CDH19: variants seen among roughly 807,000 people sequenced by gnomAD.
CDH19 encodes the protein cadherin-19.
CDH19 carries 67 observed loss-of-function variants against 64.2 expected under a neutral mutation model. The observed-to-expected ratio is 1.04, with a 90% CI of 0.86 to 1.28. The LOEUF is 1.28. Among genes scored for constraint, CDH19 ranks in the 50% most tolerant of loss-of-function variants. The probability of loss-of-function intolerance (pLI) is 0.00; values close to 1 mark genes in which losing one functional copy is unlikely to be tolerated. For synonymous variants in CDH19, 346 were observed against 319.3 expected (o/e 1.08, Z -0.89); for missense variants, 1,030 against 929.0 (o/e 1.11, Z -1.41).
At chr18:66,524,542 GTA>G (rs72219868) in intron 9 of CDH19, among the ~76,000 whole-genome samples, 12,610 of 94,364 alleles carry the variant, frequency 0.13, 698 homozygotes, top group East Asian at 0.22. Flanking sequence ...ATGTTTGTGT[GTA>G]TATATATATA....
chr18:66,530,032 T>C, intron 8 of CDH19, 66 bp from the exon 9 acceptor site: 1 of 774,652 alleles, frequency 1.3e-6, no homozygotes, highest in Non-Finnish European at 1.9e-6. Flanking sequence ...GAGACATCAT[T>C]AAAATTACAT....
Position 66,514,291 on chromosome 18 carries a change from G to T in CDH19, c.1459-2606C>A, listed in dbSNP as rs572336432. ...TTACATACAAAATGATACCGTAAAA[G>T]ACATGAAATTCCAAAAGCAAGTAAA... On this transcript the variant is annotated intron_variant, in intron 9 of 11. Transcript: ENST00000262150. 1.5e-3 allele frequency among the ~76,000 whole-genome samples: 221 copies of T among 151,420 alleles called. 1 individual carries two copies. Among genetic ancestry groups the T allele is most frequent in the African/African-American group, 5.2e-3 (214 of 41,464 alleles).
chr18:66,602,357 G>A (rs775438110), intron 1 of CDH19, among the ~76,000 whole-genome samples: 7 of 151,886 alleles, frequency 4.6e-5, no homozygotes, highest in Non-Finnish European at 7.4e-5. Flanking sequence ...GCTGTATTAG[G>A]AGAAATTCCT....
chr18:66,562,219 A>G (rs1322860502), intron 3 of CDH19, among the ~76,000 whole-genome samples: 2 of 151,758 alleles, frequency 1.3e-5, no homozygotes, highest in Non-Finnish European at 2.9e-5. Flanking sequence ...ATTGTAATAT[A>G]TAATAAAATA....
At chr18:66,542,986 T>C (rs1479451547) in intron 7 of CDH19, among the ~76,000 whole-genome samples, 1 of 152,194 alleles carries the variant, frequency 6.6e-6, no homozygotes, top group African/African-American at 2.4e-5. Context: ...GCTTTCTCAA[T>C]TTTTGAATAT....
chr18:66,547,324 G>C (rs1599003108), intron 5 of CDH19, among the ~76,000 whole-genome samples: 1 of 152,004 alleles, frequency 6.6e-6, no homozygotes. Context: ...GGGTATGCGT[G>C]TGTGTGTATG....
chr18:66,546,127 A>G lies in CDH19; in HGVS notation c.776-1224T>C, dbSNP rs921060272. ...GGAACTCCTTAGAATTCTAAAAAGAAGCACATATAATAAAATTCTTCTTTA... is the reference window on the plus strand; with the variant it reads ...GGAACTCCTTAGAATTCTAAAAAGAGGCACATATAATAAAATTCTTCTTTA... On this transcript the variant is annotated intron_variant, in intron 5 of 11. Coordinates refer to ENST00000262150, the MANE Select transcript of CDH19 (RefSeq NM_021153.4). Among the ~76,000 whole-genome samples, 11 of 152,288 alleles carry G rather than the reference A, an allele frequency of 7.2e-5. No homozygotes were observed. In the East Asian group the frequency reaches 1.9e-3, roughly 27 times the overall value.
intron 1 of CDH19, among the ~76,000 whole-genome samples, chr18:66,580,346 T>G (rs1310401661): frequency 6.6e-6 from 1 of 152,066 alleles, no homozygotes; most frequent in Admixed American, 6.6e-5. Context: ...GAAGCAAGTA[T>G]AAATTGGATT....
intron 4 of CDH19, among the ~76,000 whole-genome samples, chr18:66,553,659 A>G (rs1391749430): frequency 7.5e-6 from 1 of 132,586 alleles, no homozygotes; most frequent in African/African-American, 3.6e-5. Flanking sequence ...GTGATTAGTT[A>G]TATATATATA....
At chr18:66,566,400 T>C (rs745456056) in intron 3 of CDH19, among the ~76,000 whole-genome samples, 11 of 151,748 alleles carry the variant, frequency 7.2e-5, no homozygotes, top group Non-Finnish European at 1.3e-4. Context: ...TCAATTTCCT[T>C]TCTTAAAAAA....
At chr18:66,595,131 A>C (rs192768587) in intron 1 of CDH19, among the ~76,000 whole-genome samples, 2 of 152,150 alleles carry the variant, frequency 1.3e-5, no homozygotes, top group East Asian at 1.9e-4. Context: ...GAAAGGAAGA[A>C]GTTCTTTGAA....
At chr18:66,547,374 C>T (rs547946605) in intron 5 of CDH19, among the ~76,000 whole-genome samples, 13 of 151,902 alleles carry the variant, frequency 8.6e-5, no homozygotes, top group Non-Finnish European at 1.8e-4. Flanking sequence ...TGTGTATGTG[C>T]ATTTGCTCCA....
At chr18:66,519,993 G>A (rs1208902134) in intron 9 of CDH19, among the ~76,000 whole-genome samples, 1 of 152,022 alleles carries the variant, frequency 6.6e-6, no homozygotes, top group African/African-American at 2.4e-5. Context: ...AGACCATCCT[G>A]GCTAACATGG....
At chr18:66,595,082 C>T (rs371074610) in intron 1 of CDH19, among the ~76,000 whole-genome samples, 1 of 151,170 alleles carries the variant, frequency 6.6e-6, no homozygotes, top group Admixed American at 6.6e-5. Context: ...AAACAAATTG[C>T]TCCTGAACGA....
rs1395557151 is a variant in CDH19, at chr18:66,554,534, A to C, written c.491-10T>G. The C allele has an allele frequency of 1.2e-5, 19 of 1,606,438 alleles. No individual in the cohort carries two copies. Among genetic ancestry groups the C allele is most frequent in the Non-Finnish European group, 1.6e-5 (19 of 1,175,480 alleles). On this transcript the variant is annotated splice_polypyrimidine_tract_variant and intron_variant, in intron 3 of 11. Transcript: ENST00000262150. ...TGGATAACTAATGTTCCTAAAGAGA[A>C]CATAATACAGGAAATTAAGATTGTG...
In CDH19 at chr18:66,535,029, T is replaced by A. The variant is rs770118576; in HGVS notation, c.1293A>T (p.Glu431Asp). The A allele has an allele frequency of 6.6e-7, 1 of 1,522,218 alleles. No homozygotes were observed. The allele number at this position is 1,522,218 out of a possible 1,614,324, so 94.3% of individuals were successfully genotyped here. ...TACTTAGGTTGTACCAAGCACTGAT[T>A]TCACGATCCAGTGAGTTACTTGTAG... is the stretch of plus-strand genomic sequence containing the variant. ...TITTSNSLDREISAWYNLSIT... is the reference protein window; with the variant it reads ...TITTSNSLDRDISAWYNLSIT... The change falls in exon 8 of 12, where the codon GAA becomes GAT. Residue 431 changes from glutamate (E) to aspartate (D), a missense_variant. Physicochemically the swap from Glu to Asp is conservative, Grantham distance 45. Coordinates refer to ENST00000262150, the MANE Select transcript of CDH19 (RefSeq NM_021153.4).
At chr18:66,542,183 C>T (rs1449606912) in intron 7 of CDH19, among the ~76,000 whole-genome samples, 1 of 152,000 alleles carries the variant, frequency 6.6e-6, no homozygotes, top group Non-Finnish European at 1.5e-5. Context: ...AATTGATATG[C>T]ACTTATACAA....
chr18:66,525,670 T>A (rs1314429734), intron 9 of CDH19, among the ~76,000 whole-genome samples: 1 of 152,170 alleles, frequency 6.6e-6, no homozygotes, highest in South Asian at 2.1e-4. Flanking sequence ...TCTACTATAA[T>A]GTTATATACA....
At chr18:66,546,917 T>G (rs1987139543) in intron 5 of CDH19, among the ~76,000 whole-genome samples, 1 of 152,078 alleles carries the variant, frequency 6.6e-6, no homozygotes, top group African/African-American at 2.4e-5. Flanking sequence ...CAAGAGGTAA[T>G]GAGACAGGAC....
Sources: gnomAD v4.1 joint callset for allele counts (sites outside exome capture counted in the v4.1 genomes callset) on GRCh38, gnomAD v4.1.1 for gene constraint, MANE v1.5 for transcripts, NCBI Gene and HGNC (gene_info 2026-07-23, HGNC 2026-07-21) for gene names.